NBPF11: variants seen among roughly 807,000 people sequenced by gnomAD.
NBPF11 encodes the protein NBPF family member NBPF11.
In NBPF11, 72 loss-of-function variants were observed where a neutral mutation model predicts 93.9. The observed-to-expected ratio is 0.77, with a 90% confidence interval of 0.63 to 0.93. The LOEUF (loss-of-function observed/expected upper bound fraction) is 0.93. Among genes scored for constraint, NBPF11 ranks in the 40% least tolerant of loss-of-function variants. NBPF11 has a pLI of 0.00. For synonymous variants in NBPF11, 224 were observed against 304.9 expected, an observed-to-expected ratio of 0.73 and a Z score of 2.76; for missense variants, 705 against 802.2, an observed-to-expected ratio of 0.88 and a Z score of 1.46.
Position 148,115,898 on chromosome 1 carries a change from G to A in NBPF11, c.1480C>T (p.Pro494Ser), listed in dbSNP as rs1424809642. ...AATGTGATTTTGGTTTTTCTATGTG[G>A]CTGGTTGGAGTCATAAGGGCCATGG... ...NSHGPYDSNQ[P>S]HRKTKITFEE... The change falls in exon 14 of 24, where the codon CCA (proline) becomes TCA (serine). Residue 494 changes from proline (P) to serine (S), a missense_variant. This residue lies in a region of NBPF11 where 54 missense variants were observed against 91.8 expected (regional missense o/e 0.59). Coordinates refer to ENST00000682118, the MANE Select transcript of NBPF11 (RefSeq NM_001385469.3). 1.3e-6 allele frequency: 2 copies of A among 1,582,276 alleles called. No individual in the cohort carries two copies. The highest frequency in any genetic ancestry group is 4.6e-5 in the East Asian group (2 of 43,366).
intron 1 of NBPF11, among the ~76,000 whole-genome samples, chr1:148,146,128 C>A (rs1186419836): frequency 1.3e-5 from 2 of 151,752 alleles, no homozygotes; most frequent in African/African-American, 4.8e-5. Flanking sequence ...TGGAGCGCGG[C>A]CCTGGGGCCC....
At chr1:148,113,143 C>A (rs1665704477) in intron 15 of NBPF11, among the ~76,000 whole-genome samples, 1 of 151,978 alleles carries the variant, frequency 6.6e-6, no homozygotes, top group African/African-American at 2.4e-5. Context: ...TGTAAAGGGG[C>A]TAAATGCCCC....
In NBPF11 at chr1:148,108,472, A is replaced by T. The variant is rs1571411195; in HGVS notation, c.2026+10T>A. On this transcript the variant is annotated intron_variant, in intron 18 of 23. Transcript: ENST00000682118. ...GTGGATCCTTATCACCTTCATAGAA[A>T]GGTACTCACCATCCATGTCAACAGC... 10 of 1,509,650 alleles carry T rather than the reference A, an allele frequency of 6.6e-6. No individual in the cohort carries two copies. The East Asian group carries it at 1.1e-4, about 17-fold the overall frequency. 93.5% of individuals were successfully genotyped at this position (1,509,650 alleles called of 1,614,324 possible). A position where few individuals can be genotyped will look rare whatever the true frequency, so the allele number is the denominator to read the frequency against.
intron 23 of NBPF11, among the ~76,000 whole-genome samples, chr1:148,104,295 C>T (rs1347473895): frequency 2.8e-5 from 4 of 145,040 alleles, no homozygotes; most frequent in Admixed American, 1.4e-4. Flanking sequence ...GCTCAAAATT[C>T]GATGCAGTGG....
In NBPF11 at chr1:148,122,919, C is replaced by T. The variant is rs2896838; in HGVS notation, c.494-118G>A. 4.4e-6 allele frequency: 7 copies of T among 1,576,454 alleles called. 1 individual carries two copies. In the African/African-American group the frequency reaches 5.4e-5, roughly 12 times the overall value. The stretch of plus-strand genomic sequence containing the variant: ...ATGGTTCAGCATTGTACTGAAAACT[C>T]TCATGTTTTATCCTTCACAAAATGC... On this transcript the variant is annotated intron_variant, in intron 7 of 23. Transcript: ENST00000682118.
chr1:148,149,416 G>A (rs1352851509), intron 1 of NBPF11: 7 of 1,579,720 alleles, frequency 4.4e-6, no homozygotes, highest in Admixed American at 1.7e-5. Context: ...TCGACTTCTC[G>A]CACGGGCTGG....
chr1:148,149,525 C>A (rs1474689882), intron 1 of NBPF11: 18 of 1,593,690 alleles, frequency 1.1e-5, no homozygotes, highest in Admixed American at 8.4e-5. Flanking sequence ...GGAGCGCCTG[C>A]GTCGCTTCAT....
intron 4 of NBPF11, among the ~76,000 whole-genome samples, chr1:148,128,191 A>T (rs1387538482): frequency 2.3e-5 from 3 of 131,152 alleles, no homozygotes; most frequent in Admixed American, 8.0e-5. Context: ...CTGGGTATCT[A>T]TAGCTAGGGA....
At chr1:148,111,519 G>T (rs1176442223) in intron 15 of NBPF11, among the ~76,000 whole-genome samples, 1 of 151,778 alleles carries the variant, frequency 6.6e-6, no homozygotes, top group South Asian at 2.1e-4. Flanking sequence ...AAGATTAGAC[G>T]AATGGCTAAC....
At chr1:148,112,930 G>C (rs1318184682) in intron 15 of NBPF11, among the ~76,000 whole-genome samples, 5 of 151,528 alleles carry the variant, frequency 3.3e-5, no homozygotes, top group African/African-American at 1.2e-4. Flanking sequence ...GAGAGATTTT[G>C]TCACCACCAG....
At chr1:148,145,683 G>C (rs1211507219) in intron 1 of NBPF11, among the ~76,000 whole-genome samples, 1 of 151,490 alleles carries the variant, frequency 6.6e-6, no homozygotes, top group South Asian at 2.1e-4. Context: ...ATTCCGTATC[G>C]GGCTATGCAA....
rs1469288762 is a variant in NBPF11, at chr1:148,121,361, T to C, written c.779-651A>G. ...CCTGGTCAGAGACTTTTTTTTTTTT[T>C]TTTTGAGATGCAGTCTCGCTCTGTC... On this transcript the variant is annotated intron_variant, in intron 9 of 23. Coordinates refer to ENST00000682118, the MANE Select transcript of NBPF11 (RefSeq NM_001385469.3). 1.8e-4 allele frequency among the ~76,000 whole-genome samples: 26 copies of C among 144,348 alleles called. No homozygotes were observed. The South Asian group carries it at 5.7e-3, about 32-fold the overall frequency. 94.7% of individuals were successfully genotyped at this position (144,348 alleles called of 152,430 possible). A position where few individuals can be genotyped will look rare whatever the true frequency, so the allele number is the denominator to read the frequency against.
At chr1:148,103,971 C>A (rs1297950246) in intron 23 of NBPF11, 59 bp from the exon 24 acceptor site, 16 of 1,609,492 alleles carry the variant, frequency 9.9e-6, no homozygotes, top group Non-Finnish European at 1.2e-5. Flanking sequence ...CACAGAGCCC[C>A]ACTAGATTTC....
At chr1:148,137,208 TG>T (rs1671446031) in intron 3 of NBPF11, among the ~76,000 whole-genome samples, 2 of 152,014 alleles carry the variant, frequency 1.3e-5, no homozygotes, top group South Asian at 4.2e-4. Flanking sequence ...GAGCTTTGTG[TG>T]GCTGGTTGGA....
At chr1:148,121,505 G>A (rs1420472192) in intron 9 of NBPF11, among the ~76,000 whole-genome samples, 6 of 151,156 alleles carry the variant, frequency 4.0e-5, no homozygotes, top group Middle Eastern at 3.4e-3. Context: ...CCACCACCGC[G>A]CCCAGCTAAT....
intron 15 of NBPF11, among the ~76,000 whole-genome samples, chr1:148,113,002 C>G (rs1167027434): frequency 1.4e-4 from 22 of 151,952 alleles, no homozygotes; most frequent in Non-Finnish European, 3.1e-4. Flanking sequence ...CCGGTACCAG[C>G]CACTGCAAAA....
chr1:148,123,094 C>T (rs28655936), intron 7 of NBPF11, among the ~76,000 whole-genome samples: 1 of 152,008 alleles, frequency 6.6e-6, no homozygotes, highest in African/African-American at 2.4e-5. Flanking sequence ...CTGTCTCCCC[C>T]ATCCTGCCAC....
At chr1:148,134,377 T>A (rs1324483057) in intron 4 of NBPF11, among the ~76,000 whole-genome samples, 5,662 of 149,850 alleles carry the variant, frequency 0.038, 357 homozygotes, top group African/African-American at 0.13. Context: ...CCAGGCTCCA[T>A]CGGGTGCCCA....
Position 148,103,429 on chromosome 1 carries a change from G to T in NBPF11, c.*467C>A. On this transcript the variant is annotated 3_prime_UTR_variant, in exon 24 of 24. Transcript: ENST00000682118. ...ATACGTGGTTCAAATTAAAATGTCC[G>T]ACTGATCACTCCCGGCATGTGCTGC... The T allele has an allele frequency of 1.6e-6, 1 of 621,576 alleles. No individual in the cohort carries two copies. The highest frequency in any genetic ancestry group is 2.0e-5 in the South Asian group (1 of 50,804). The allele number at this position is 621,576 out of a possible 1,614,324, so 38.5% of individuals were successfully genotyped here.
Sources: allele counts gnomAD v4.1 joint callset (sites outside exome capture counted in the v4.1 genomes callset), GRCh38; gene constraint gnomAD v4.1.1; regional missense constraint gnomAD v4.1.1; transcripts MANE v1.5; gene names NCBI Gene and HGNC (gene_info 2026-07-23, HGNC 2026-07-21).